Variants in CUX1 observed in about 807,000 individuals in gnomAD.
CUX1 encodes cut like homeobox 1, also known as protein CASP.
CUX1 carries 31 observed loss-of-function variants against 158.8 expected under a neutral mutation model. The ratio of observed to expected loss-of-function variants is 0.20; its 90% CI spans 0.15 to 0.26. The LOEUF (loss-of-function observed/expected upper bound fraction) is 0.26. Among genes scored for constraint, CUX1 ranks in the 10% least tolerant of loss-of-function variants. CUX1 has a pLI of 1.00. For synonymous variants in CUX1, 879 were observed against 862.1 expected (o/e 1.02, Z -0.34); for missense variants, 1,589 against 2,014.6 (o/e 0.79, Z 4.04).
At chr7:102,157,740 A>G (rs1194516610) in intron 8 of CUX1, among the ~76,000 whole-genome samples, 3 of 152,190 alleles carry the variant, frequency 2.0e-5, no homozygotes, top group Non-Finnish European at 4.4e-5. Flanking sequence ...AGATCTCATC[A>G]TTGCACTCCA....
chr7:102,123,746 T>C (rs1190913376), intron 8 of CUX1, among the ~76,000 whole-genome samples: 1 of 152,050 alleles, frequency 6.6e-6, no homozygotes, highest in Non-Finnish European at 1.5e-5. Context: ...CACTACAACT[T>C]CTACCTCCCG....
chr7:101,908,568 C>T (rs946030875), intron 1 of CUX1, among the ~76,000 whole-genome samples: 2 of 152,160 alleles, frequency 1.3e-5, no homozygotes, highest in African/African-American at 4.8e-5. Flanking sequence ...CTCAGCCTTC[C>T]AAAGTGCTGG....
At chr7:101,993,072 G>A (rs1163427665) in intron 2 of CUX1, among the ~76,000 whole-genome samples, 1 of 152,176 alleles carries the variant, frequency 6.6e-6, no homozygotes, top group Non-Finnish European at 1.5e-5. Flanking sequence ...GTTCATGCCT[G>A]TAATCCCAGC....
intron 9 of CUX1, among the ~76,000 whole-genome samples, chr7:102,168,253 G>A (rs1234269034): frequency 6.6e-6 from 1 of 152,136 alleles, no homozygotes; most frequent in Non-Finnish European, 1.5e-5. Context: ...CACCCACCCA[G>A]GCACCACATG....
At chr7:101,983,132 C>T (rs535828247) in intron 2 of CUX1, among the ~76,000 whole-genome samples, 9 of 152,132 alleles carry the variant, frequency 5.9e-5, no homozygotes, top group Admixed American at 2.0e-4. Flanking sequence ...TTCAGAAGGA[C>T]GGAGATGTTT....
intron 3 of CUX1, among the ~76,000 whole-genome samples, chr7:102,038,062 A>AG (rs397688932): frequency 1.3e-5 from 2 of 150,026 alleles, no homozygotes; most frequent in Non-Finnish European, 3.0e-5. Flanking sequence ...AAAAAAAAAA[A>AG]GCAGAAAGAT....
At chr7:102,211,445 G>A (rs1391767778) in intron 20 of CUX1, among the ~76,000 whole-genome samples, 6 of 151,156 alleles carry the variant, frequency 4.0e-5, no homozygotes, top group Admixed American at 1.3e-4. Flanking sequence ...GACCCTCTCC[G>A]CCCGCAAAAA....
chr7:101,913,064 G>A (rs1435396375), intron 1 of CUX1: 15 of 169,946 alleles, frequency 8.8e-5, no homozygotes, highest in Non-Finnish European at 1.6e-4. Flanking sequence ...ATGTTTAATC[G>A]CTGTCTCCTC....
intron 8 of CUX1, among the ~76,000 whole-genome samples, chr7:102,139,377 A>G (rs1312457215): frequency 2.0e-5 from 3 of 152,160 alleles, no homozygotes; most frequent in Non-Finnish European, 4.4e-5. Flanking sequence ...CCAGAATTAC[A>G]ATGACATTGT....
intron 2 of CUX1, among the ~76,000 whole-genome samples, chr7:101,917,873 C>T (rs1040211310): frequency 1.1e-4 from 16 of 152,140 alleles, no homozygotes. Flanking sequence ...CAGTGGCTCA[C>T]GCCTATAATT....
chr7:101,834,029 A>G (rs1562903269), intron 1 of CUX1, among the ~76,000 whole-genome samples: 2 of 152,106 alleles, frequency 1.3e-5, no homozygotes, highest in South Asian at 4.1e-4. Context: ...CCTTATCCCC[A>G]GACTTCTGTT....
At chr7:102,030,691 G>GTTT (rs71119801) in intron 3 of CUX1, among the ~76,000 whole-genome samples, 2 of 119,382 alleles carry the variant, frequency 1.7e-5, no homozygotes, top group African/African-American at 3.1e-5. Flanking sequence ...TTTAAAAAGT[G>GTTT]TTTTTTTTTT....
chr7:101,979,486 G>A (rs1040388859), intron 2 of CUX1, among the ~76,000 whole-genome samples: 3 of 152,118 alleles, frequency 2.0e-5, no homozygotes, highest in African/African-American at 4.8e-5. Context: ...TAAATCAAAC[G>A]TTGGGTTGAT....
At chr7:102,055,192 T>C (rs1227074394) in intron 3 of CUX1, among the ~76,000 whole-genome samples, 1 of 151,966 alleles carries the variant, frequency 6.6e-6, no homozygotes, top group East Asian at 1.9e-4. Context: ...ATACTTTTTG[T>C]GATGCTATTA....
At position 102,273,596 on chromosome 7, in the gene CUX1, G is replaced by A. The variant is rs1554546888; in HGVS notation, c.1383+103G>A. On this transcript the variant is annotated intron_variant, in intron 15 of 22. Transcript: ENST00000292538. ...GATTAGCCTGTGTATCAGGCAGCTG[G>A]TGACAACCCAGAAGGGCTGTCACCT... 3 of 1,431,540 alleles carry A rather than the reference G, an allele frequency of 2.1e-6. No individual in the cohort carries two copies. The East Asian group carries it at 7.0e-5, about 33-fold the overall frequency. 88.7% of individuals were successfully genotyped at this position (1,431,540 alleles called of 1,614,324 possible).
Position 102,249,729 on chromosome 7 carries a change from G to C in CUX1, c.*687G>C, listed in dbSNP as rs1010639009. 1.0e-6 allele frequency: 1 copy of C among 979,724 alleles called. No homozygotes were observed. The highest frequency in any genetic ancestry group is 1.2e-6 in the Non-Finnish European group (1 of 825,674). The allele number at this position is 979,724 out of a possible 1,614,324, so 60.7% of individuals were successfully genotyped here. The stretch of plus-strand genomic sequence containing the variant: ...ATTAAAAAAGAAAGTTTTTGTAGCT[G>C]TTCAGTTGCCACTAAGAGATTGCAC... On this transcript the variant is annotated 3_prime_UTR_variant, in exon 24 of 24. Coordinates refer to ENST00000292535, the MANE Select transcript of CUX1 (RefSeq NM_181552.4).
intron 1 of CUX1, among the ~76,000 whole-genome samples, chr7:101,848,408 T>G (rs906317187): frequency 6.6e-6 from 1 of 152,138 alleles, no homozygotes; most frequent in Non-Finnish European, 1.5e-5. Context: ...ACTTGGCACC[T>G]CTGTGGCTTT....
chr7:102,201,672 C>G lies in CUX1; in HGVS notation c.2375C>G (p.Pro792Arg). The G allele has an allele frequency of 6.2e-7, 1 of 1,612,896 alleles. No homozygotes were observed. Among genetic ancestry groups the G allele is most frequent in the Non-Finnish European group, 8.5e-7 (1 of 1,179,872 alleles). The change falls in exon 18 of 24, where the codon CCC (proline) becomes CGC (arginine). Residue 792 changes from proline (P) to arginine (R), a missense_variant. By Grantham distance (103) the Pro-to-Arg change is moderately radical. Coordinates refer to ENST00000292535, the MANE Select transcript of CUX1 (RefSeq NM_181552.4). The surrounding 1 kb of genome is among the most constrained non-coding windows in gnomAD (Gnocchi z 5.0). ...PALKKEAQDAPGLDPQGAADC... is the reference protein window; with the variant it reads ...PALKKEAQDARGLDPQGAADC... The stretch of plus-strand genomic sequence containing the variant: ...CTCAAAAAGGAGGCCCAGGACGCCC[C>G]CGGGCTGGACCCCCAGGGAGCAGCC...
rs1554510143 is a variant in CUX1, at chr7:102,170,571, G to C, written c.828+21G>C. On this transcript the variant is annotated intron_variant, in intron 10 of 23. Transcript: ENST00000292535. ...ACGTGGTGGGTAGCCCCGGCCCCGT[G>C]GGGGACTGTCCCCGCCTGGCCTCCG... The C allele has an allele frequency of 2.0e-6, 3 of 1,538,422 alleles. No homozygotes were observed. In the Admixed American group the frequency reaches 5.7e-5, roughly 29 times the overall value.
Sources: gnomAD v4.1 joint callset for allele counts (sites outside exome capture counted in the v4.1 genomes callset) on GRCh38, gnomAD v4.1.1 for gene constraint, Gnocchi (gnomAD v3.1) non-coding constraint, MANE v1.5 for transcripts, NCBI Gene and HGNC (gene_info 2026-07-23, HGNC 2026-07-21) for gene names.